Variants in MIPOL1 observed in about 807,000 individuals in gnomAD.
The protein encoded by MIPOL1 is mirror-image polydactyly gene 1 protein.
In MIPOL1, 57 loss-of-function variants were observed where a neutral mutation model predicts 60.9. That is an observed-to-expected ratio of 0.94 (90% confidence interval 0.76 to 1.17). MIPOL1 has a LOEUF of 1.17. MIPOL1 is among the 50% of genes most tolerant of loss of function. The probability of loss-of-function intolerance (pLI) is 0.00; values close to 1 mark genes in which losing one functional copy is unlikely to be tolerated. For missense variants in MIPOL1, 551 were observed against 511.6 expected (o/e 1.08, Z -0.74); for synonymous variants, 179 against 168.8 (o/e 1.06, Z -0.47).
At chr14:37,519,780 A>G (rs1238226127) in intron 12 of MIPOL1, among the ~76,000 whole-genome samples, 3 of 152,132 alleles carry the variant, frequency 2.0e-5, no homozygotes, top group African/African-American at 7.2e-5. Context: ...TATGATTTCT[A>G]TTGAATGGTA....
chr14:37,484,169 A>T (rs2094914132), intron 11 of MIPOL1, among the ~76,000 whole-genome samples: 1 of 152,058 alleles, frequency 6.6e-6, no homozygotes, highest in African/African-American at 2.4e-5. Context: ...GTGTCTTTGA[A>T]TTCATTTATG....
At chr14:37,526,393 G>A (rs1225821357) in intron 12 of MIPOL1, among the ~76,000 whole-genome samples, 42 of 144,212 alleles carry the variant, frequency 2.9e-4, no homozygotes, top group Admixed American at 2.1e-4. Context: ...TTTTTGAGAC[G>A]GAGTCTCGTT....
At chr14:37,242,461 T>C (rs1972507181) in intron 1 of MIPOL1, among the ~76,000 whole-genome samples, 1 of 152,194 alleles carries the variant, frequency 6.6e-6, no homozygotes, top group Non-Finnish European at 1.5e-5. Context: ...TTATTCACCA[T>C]TTTATATCTA....
chr14:37,252,043 A>T (rs930557314), intron 3 of MIPOL1, among the ~76,000 whole-genome samples: 5 of 151,654 alleles, frequency 3.3e-5, no homozygotes, highest in Admixed American at 6.6e-5. Context: ...ATATATATAT[A>T]TTTTTTACCA....
chr14:37,498,676 G>C, intron 11 of MIPOL1, among the ~76,000 whole-genome samples: 1 of 152,120 alleles, frequency 6.6e-6, no homozygotes, highest in East Asian at 1.9e-4. Flanking sequence ...CTAATTTTCT[G>C]TGTAGTAACC....
At chr14:37,492,990 T>G (rs2095066751) in intron 11 of MIPOL1, among the ~76,000 whole-genome samples, 1 of 152,154 alleles carries the variant, frequency 6.6e-6, no homozygotes, top group South Asian at 2.1e-4. Context: ...TCTCTAAATT[T>G]TAATCCAAAA....
At chr14:37,245,512 C>G (rs1223068532) in intron 1 of MIPOL1, among the ~76,000 whole-genome samples, 1 of 152,044 alleles carries the variant, frequency 6.6e-6, no homozygotes, top group African/African-American at 2.4e-5. Flanking sequence ...AGTGACAGGA[C>G]TTTTTAATAT....
intron 1 of MIPOL1, among the ~76,000 whole-genome samples, chr14:37,203,622 T>C (rs1965637819): frequency 6.6e-6 from 1 of 152,166 alleles, no homozygotes; most frequent in African/African-American, 2.4e-5. Context: ...TTACAAAATC[T>C]ATGACTTCCC....
intron 12 of MIPOL1, among the ~76,000 whole-genome samples, chr14:37,514,623 CTTT>C (rs753425570): frequency 2.8e-5 from 4 of 143,866 alleles, no homozygotes; most frequent in African/African-American, 5.1e-5. Context: ...AAAATATACA[CTTT>C]TTTTTTTTTT....
chr14:37,379,615 A>T (rs2092872458), intron 10 of MIPOL1, among the ~76,000 whole-genome samples: 1 of 152,136 alleles, frequency 6.6e-6, no homozygotes, highest in Non-Finnish European at 1.5e-5. Context: ...CTCAGCAAAG[A>T]AAAGGCAAGT....
intron 10 of MIPOL1, among the ~76,000 whole-genome samples, chr14:37,376,467 C>T (rs964327372): frequency 2.0e-5 from 3 of 151,836 alleles, no homozygotes; most frequent in African/African-American, 7.3e-5. Flanking sequence ...TTTAAAATTC[C>T]CATATATCTT....
At chr14:37,236,058 C>G (rs2153330252) in intron 1 of MIPOL1, among the ~76,000 whole-genome samples, 1 of 151,906 alleles carries the variant, frequency 6.6e-6, no homozygotes, top group African/African-American at 2.4e-5. Flanking sequence ...TCCTGAGTAG[C>G]TGGGATTACA....
At chr14:37,311,776 A>G (rs2153436748) in intron 9 of MIPOL1, among the ~76,000 whole-genome samples, 1 of 152,304 alleles carries the variant, frequency 6.6e-6, no homozygotes, top group South Asian at 2.1e-4. Context: ...TGTTTGTTAA[A>G]GTTAGGAAAC....
chr14:37,415,508 A>C (rs987693632), intron 10 of MIPOL1, among the ~76,000 whole-genome samples: 196 of 151,792 alleles, frequency 1.3e-3, no homozygotes, highest in African/African-American at 4.5e-3. Flanking sequence ...GGGCGCCTGT[A>C]GTCCCAGCTA....
Position 37,548,453 on chromosome 14 carries a change from A to G in MIPOL1, c.*1482A>G, listed in dbSNP as rs1173704159. The G allele has an allele frequency of 6.6e-6, 1 of 152,052 alleles. No homozygotes were observed. Among genetic ancestry groups the G allele is most frequent in the Non-Finnish European group, 1.5e-5 (1 of 67,892 alleles). The allele number at this position is 152,052 out of a possible 1,614,324, so 9.4% of individuals were successfully genotyped here. A position where few individuals can be genotyped will look rare whatever the true frequency, so the allele number is the denominator to read the frequency against. Reference sequence around the variant, plus strand: ...AGAAAATAAGGGACAACAGGGGTTAAAAATAAACTGATTTAATTTGCTCTA... The same window carrying G: ...AGAAAATAAGGGACAACAGGGGTTAGAAATAAACTGATTTAATTTGCTCTA... On this transcript the variant is annotated 3_prime_UTR_variant, in exon 13 of 13. Coordinates refer to ENST00000684589, the MANE Select transcript of MIPOL1 (RefSeq NM_001388067.1).
chr14:37,220,344 G>C (rs1968537766), intron 1 of MIPOL1, among the ~76,000 whole-genome samples: 1 of 151,926 alleles, frequency 6.6e-6, no homozygotes, highest in Non-Finnish European at 1.5e-5. Flanking sequence ...TCTTTTTAAT[G>C]AATTATTTTT....
intron 9 of MIPOL1, among the ~76,000 whole-genome samples, chr14:37,349,688 CTG>C (rs2091209338): frequency 6.6e-6 from 1 of 152,166 alleles, no homozygotes; most frequent in African/African-American, 2.4e-5. Context: ...TGTTGGCACT[CTG>C]TATGCCTTTA....
chr14:37,203,094 C>T (rs1287920506), intron 1 of MIPOL1, among the ~76,000 whole-genome samples: 2 of 152,148 alleles, frequency 1.3e-5, no homozygotes, highest in Non-Finnish European at 2.9e-5. Flanking sequence ...CAAGATTAAT[C>T]AATTGTAGCT....
At chr14:37,389,513 C>T (rs2093173751) in intron 10 of MIPOL1, among the ~76,000 whole-genome samples, 1 of 151,746 alleles carries the variant, frequency 6.6e-6, no homozygotes, top group African/African-American at 2.4e-5. Context: ...TACTCTTTTT[C>T]CTGTCAATTT....
Sources: allele counts gnomAD v4.1 joint callset (sites outside exome capture counted in the v4.1 genomes callset), GRCh38; gene constraint gnomAD v4.1.1; transcripts MANE v1.5; gene names NCBI Gene and HGNC (gene_info 2026-07-23, HGNC 2026-07-21).